NXPE2: variants seen among roughly 807,000 people sequenced by gnomAD.
NXPE2 encodes neurexophilin and PC-esterase domain family member 2.
A neutral mutation model predicts 34.4 loss-of-function variants in NXPE2; 34 were observed. The observed-to-expected ratio is 0.99, with a 90% CI of 0.75 to 1.31. NXPE2 has a LOEUF of 1.31. Among genes scored for constraint, NXPE2 ranks in the 40% most tolerant of loss-of-function variants. The pLI is 0.00. For synonymous variants in NXPE2, 235 were observed against 231.3 expected (o/e 1.02, Z -0.15); for missense variants, 649 against 672.5 (o/e 0.97, Z 0.39).
chr11:114,513,713 A>T, the NXPE2 span, among the ~76,000 whole-genome samples: 2 of 152,220 alleles, frequency 1.3e-5, no homozygotes, highest in Non-Finnish European at 2.9e-5. Flanking sequence ...CTAAAAATAT[A>T]TGGCTAAGAA....
At chr11:114,745,014 G>A in the NXPE2 span, among the ~76,000 whole-genome samples, 2 of 152,042 alleles carry the variant, frequency 1.3e-5, no homozygotes, top group Non-Finnish European at 2.9e-5. Flanking sequence ...ACTTCAGGAA[G>A]TTATTCTTTC....
chr11:114,664,702 G>A, the NXPE2 span, among the ~76,000 whole-genome samples: 1 of 152,176 alleles, frequency 6.6e-6, no homozygotes, highest in African/African-American at 2.4e-5. Flanking sequence ...TGGTGCAAAA[G>A]TGATAAGCAT....
the NXPE2 span, among the ~76,000 whole-genome samples, chr11:114,511,283 C>T: frequency 6.6e-6 from 1 of 152,216 alleles, no homozygotes; most frequent in South Asian, 2.1e-4. Flanking sequence ...TAGAAGTGGG[C>T]AGATGTGCCT....
rs555768634 is a variant in NXPE2, at chr11:114,693,332, G to C, written c.133-4713G>C. Among the ~76,000 whole-genome samples the C allele has an allele frequency of 3.9e-5, 6 of 152,294 alleles. No homozygotes were observed. In the East Asian group the frequency reaches 1.2e-3, roughly 29 times the overall value. ...TTAGGGAGACTGTGGAAAAGATGAA[G>C]TTCAAAAGAGCTATCCCACAAAGTG... On this transcript the variant is annotated intron_variant, in intron 2 of 5. Coordinates refer to ENST00000389586, the MANE Select transcript of NXPE2 (RefSeq NM_182495.6).
chr11:114,508,942 A>G, the NXPE2 span, among the ~76,000 whole-genome samples: 2 of 152,126 alleles, frequency 1.3e-5, no homozygotes, highest in African/African-American at 4.8e-5. Context: ...AAAAACAGAA[A>G]CAAACCCTAT....
the NXPE2 span, among the ~76,000 whole-genome samples, chr11:114,612,289 G>C: frequency 4.0e-5 from 6 of 151,852 alleles, no homozygotes; most frequent in African/African-American, 1.5e-4. Flanking sequence ...TTACCCGTTG[G>C]ATAATAAGTA....
the NXPE2 span, among the ~76,000 whole-genome samples, chr11:114,806,484 T>C: frequency 2.0e-5 from 3 of 151,970 alleles, no homozygotes; most frequent in African/African-American, 7.3e-5. Context: ...GAATAATCAA[T>C]GCAGAGAAGT....
chr11:114,779,411 G>A, the NXPE2 span, among the ~76,000 whole-genome samples: 10 of 150,154 alleles, frequency 6.7e-5, no homozygotes, highest in African/African-American at 2.0e-4. Flanking sequence ...GGGGTTGACT[G>A]GGGTGGCTGG....
chr11:114,656,085 G>C, the NXPE2 span, among the ~76,000 whole-genome samples: 1 of 152,024 alleles, frequency 6.6e-6, no homozygotes, highest in East Asian at 1.9e-4. Flanking sequence ...CAAAGTCTCA[G>C]GATACAAAAA....
the NXPE2 span, chr11:114,529,091 A>C: frequency 2.9e-6 from 1 of 339,894 alleles, no homozygotes; most frequent in African/African-American, 2.1e-5. Context: ...TTTTTTTGAA[A>C]GCTTATGGAA....
the NXPE2 span, among the ~76,000 whole-genome samples, chr11:114,762,954 A>G: frequency 5.9e-5 from 9 of 151,876 alleles, no homozygotes; most frequent in African/African-American, 2.2e-4. Flanking sequence ...AATTAGGACA[A>G]CGTCATGGCT....
chr11:114,769,140 G>A, the NXPE2 span, among the ~76,000 whole-genome samples: 2 of 151,934 alleles, frequency 1.3e-5, no homozygotes, highest in African/African-American at 4.8e-5. Context: ...ATCAAAAAGT[G>A]GATGAAGGAT....
intron 3 of NXPE2, among the ~76,000 whole-genome samples, chr11:114,701,184 T>A (rs78146036): frequency 0.021 from 3,149 of 152,324 alleles, 63 homozygotes; most frequent in Non-Finnish European, 0.036. Flanking sequence ...CATAAAGGTC[T>A]TCCTGTCTTG....
chr11:114,560,415 C>T, the NXPE2 span, among the ~76,000 whole-genome samples: 1 of 151,748 alleles, frequency 6.6e-6, no homozygotes, highest in East Asian at 1.9e-4. Context: ...GTGCATGCTG[C>T]CACACCTGGC....
intron 3 of NXPE2, among the ~76,000 whole-genome samples, chr11:114,703,138 A>C (rs1479677196): frequency 6.6e-6 from 1 of 152,080 alleles, no homozygotes; most frequent in Non-Finnish European, 1.5e-5. Context: ...TGAAAAATAG[A>C]CTCCTGGGAA....
the NXPE2 span, among the ~76,000 whole-genome samples, chr11:114,728,170 C>G: frequency 6.6e-6 from 1 of 151,978 alleles, no homozygotes; most frequent in East Asian, 1.9e-4. Context: ...AGCCTTCTAC[C>G]CCTCTCTCTT....
At chr11:114,593,064 A>G in the NXPE2 span, among the ~76,000 whole-genome samples, 1 of 152,298 alleles carries the variant, frequency 6.6e-6, no homozygotes, top group South Asian at 2.1e-4. Flanking sequence ...GACCCAAAGT[A>G]TGAAAATACT....
chr11:114,556,699 A>AT, the NXPE2 span, among the ~76,000 whole-genome samples: 2 of 151,480 alleles, frequency 1.3e-5, no homozygotes, highest in Admixed American at 6.6e-5. Flanking sequence ...TTTAAAATGT[A>AT]TTTTTTTCCA....
the NXPE2 span, among the ~76,000 whole-genome samples, chr11:114,564,083 G>T: frequency 6.4e-4 from 98 of 152,202 alleles, 1 homozygote; most frequent in Non-Finnish European, 9.4e-4. Flanking sequence ...AGTGGATAAA[G>T]AAAATGTGGT....
Sources: allele counts gnomAD v4.1 joint callset (sites outside exome capture counted in the v4.1 genomes callset), GRCh38; gene constraint gnomAD v4.1.1; transcripts MANE v1.5; gene names NCBI Gene and HGNC (gene_info 2026-07-23, HGNC 2026-07-21).